CIMAP2: variants seen among roughly 807,000 people sequenced by gnomAD.
CIMAP2 encodes the protein ciliary microtubule-associated protein 2.
At chr1:54,835,635 A>C in the CIMAP2 span, among the ~76,000 whole-genome samples, 2 of 152,136 alleles carry the variant, frequency 1.3e-5, no homozygotes, top group Non-Finnish European at 2.9e-5. Flanking sequence ...ATTGATGCAT[A>C]TATTTCTCAA....
chr1:54,821,414 G>A, the CIMAP2 span, among the ~76,000 whole-genome samples: 90,676 of 151,904 alleles, frequency 0.6, 27,922 homozygotes, highest in South Asian at 0.73. Flanking sequence ...ATATAGTGAG[G>A]GGTCTAGTTT....
the CIMAP2 span, among the ~76,000 whole-genome samples, chr1:54,823,347 T>TC: frequency 1.4e-5 from 2 of 139,228 alleles, no homozygotes; most frequent in Admixed American, 7.2e-5. Context: ...TTTATGTTCT[T>TC]TTTTTTTTTA....
chr1:54,813,059 G>A, the CIMAP2 span, among the ~76,000 whole-genome samples: 1 of 152,148 alleles, frequency 6.6e-6, no homozygotes, highest in Non-Finnish European at 1.5e-5. Context: ...CAGGGGTCAA[G>A]GGACCCTCCT....
chr1:54,832,005 C>T, the CIMAP2 span, among the ~76,000 whole-genome samples: 1 of 152,190 alleles, frequency 6.6e-6, no homozygotes, highest in Non-Finnish European at 1.5e-5. Context: ...TGCCACCACG[C>T]CCAACTAATT....
the CIMAP2 span, among the ~76,000 whole-genome samples, chr1:54,820,089 C>CTTCT: frequency 7.4e-5 from 8 of 107,474 alleles, no homozygotes; most frequent in East Asian, 2.9e-4. Context: ...TCCTTCCCTC[C>CTTCT]TTCTTTCTTT....
At chr1:54,841,674 T>G in the CIMAP2 span, 2,084 of 1,607,344 alleles carry the variant, frequency 1.3e-3, 1 homozygote, top group Non-Finnish European at 1.5e-3. Flanking sequence ...CTCACCAATG[T>G]AGGATCTCCT....
chr1:54,826,538 C>T, the CIMAP2 span, among the ~76,000 whole-genome samples: 1 of 152,290 alleles, frequency 6.6e-6, no homozygotes, highest in South Asian at 2.1e-4. Context: ...TGCTGTGCTG[C>T]AGCTGCTTGG....
the CIMAP2 span, among the ~76,000 whole-genome samples, chr1:54,813,073 G>C: frequency 9.2e-5 from 14 of 152,052 alleles, no homozygotes; most frequent in East Asian, 5.8e-4. Context: ...CCCTCCTCAG[G>C]CACTGTGGCC....
chr1:54,809,563 A>C, the CIMAP2 span, among the ~76,000 whole-genome samples: 1 of 152,208 alleles, frequency 6.6e-6, no homozygotes, highest in African/African-American at 2.4e-5. Flanking sequence ...AGAAAAATGG[A>C]GTACAGAGTG....
At chr1:54,812,639 G>C in the CIMAP2 span, among the ~76,000 whole-genome samples, 47 of 152,168 alleles carry the variant, frequency 3.1e-4, no homozygotes, top group African/African-American at 1.0e-3. Context: ...GGCCCAGGAG[G>C]GGAACTTGAG....
chr1:54,837,766 A>G, the CIMAP2 span, among the ~76,000 whole-genome samples: 113,654 of 152,056 alleles, frequency 0.75, 43,748 homozygotes, highest in Middle Eastern at 0.85. Context: ...CTGAGTGCCA[A>G]CAACGTGCAA....
At chr1:54,819,824 C>CTTTTTCTTTCTTTCTTTCTTTCTT in the CIMAP2 span, among the ~76,000 whole-genome samples, 6 of 100,210 alleles carry the variant, frequency 6.0e-5, no homozygotes, top group African/African-American at 1.5e-4. Context: ...TTCTTTCTTT[C>CTTTTTCTTTCTTTCTTTCTTTCTT]TCTTTCTTTC....
the CIMAP2 span, chr1:54,806,299 G>C: frequency 2.2e-6 from 3 of 1,345,614 alleles, no homozygotes; most frequent in Non-Finnish European, 3.0e-6. Context: ...GCTTGGCCTC[G>C]GGAGAGAGGG....
the CIMAP2 span, among the ~76,000 whole-genome samples, chr1:54,816,375 G>T: frequency 6.6e-6 from 1 of 152,118 alleles, no homozygotes; most frequent in Non-Finnish European, 1.5e-5. Flanking sequence ...TGCCCTTGCC[G>T]TGTTACCTTG....
the CIMAP2 span, among the ~76,000 whole-genome samples, chr1:54,810,872 G>A: frequency 6.6e-6 from 1 of 152,160 alleles, no homozygotes; most frequent in Non-Finnish European, 1.5e-5. Flanking sequence ...CTCTGTGCCA[G>A]ACACCGTTGC....
the CIMAP2 span, chr1:54,813,711 G>A: frequency 2.3e-6 from 3 of 1,317,974 alleles, no homozygotes; most frequent in Non-Finnish European, 3.1e-6. Context: ...CAGCAGGATA[G>A]TAAGTGATGC....
the CIMAP2 span, among the ~76,000 whole-genome samples, chr1:54,840,738 G>A: frequency 1.3e-5 from 2 of 152,212 alleles, no homozygotes; most frequent in Non-Finnish European, 2.9e-5. Context: ...ACAAGATGTT[G>A]AGGATCTTTT....
chr1:54,806,092 G>A, the CIMAP2 span: 4 of 1,502,716 alleles, frequency 2.7e-6, no homozygotes, highest in Non-Finnish European at 3.5e-6. Flanking sequence ...GGCAGCAGCG[G>A]AGGCGGGCAG....
At chr1:54,811,765 G>GCGGGGGGGGGGGGGGGGCCCCCCCCCCC in the CIMAP2 span, 1 of 1,301,326 alleles carries the variant, frequency 7.7e-7, no homozygotes, top group Non-Finnish European at 1.1e-6. Flanking sequence ...GGTTCTGACA[G>GCGGGGGGGGGGGGGGGGCCCCCCCCCCC]CCTCCATGCC....
Sources: allele counts gnomAD v4.1 joint callset (sites outside exome capture counted in the v4.1 genomes callset), GRCh38; gene constraint gnomAD v4.1.1; transcripts MANE v1.5; gene names NCBI Gene and HGNC (gene_info 2026-07-23, HGNC 2026-07-21).